CDH10: variants seen among roughly 807,000 people sequenced by gnomAD.
CDH10 encodes the protein cadherin 10, also known as cadherin-10.
In CDH10, 30 loss-of-function variants were observed where a neutral mutation model predicts 73.1. The ratio of observed to expected loss-of-function variants is 0.41; its 90% CI spans 0.31 to 0.56. The LOEUF (loss-of-function observed/expected upper bound fraction) is 0.56, where lower values mean the gene tolerates loss of function less well. Among genes scored for constraint, CDH10 ranks in the 20% least tolerant of loss-of-function variants. The probability of loss-of-function intolerance (pLI) is 0.27; values close to 1 mark genes in which losing one functional copy is unlikely to be tolerated. For missense variants in CDH10, 815 were observed against 973.7 expected (o/e 0.84, Z 2.17); for synonymous variants, 345 against 348.2 (o/e 0.99, Z 0.10).
chr5:24,560,200 TTGTG>T (rs70965615), intron 2 of CDH10, among the ~76,000 whole-genome samples: 5,929 of 147,966 alleles, frequency 0.04, 263 homozygotes, highest in African/African-American at 0.11. Flanking sequence ...ATATTTGCAA[TTGTG>T]TGTGTGTGTG....
At chr5:24,583,424 GCAT>G (rs1018996129) in intron 2 of CDH10, among the ~76,000 whole-genome samples, 18 of 152,058 alleles carry the variant, frequency 1.2e-4, no homozygotes, top group Non-Finnish European at 1.6e-4. Flanking sequence ...TAAAGTGCAT[GCAT>G]CATCAATTCC....
chr5:24,518,655 T>C (rs577159581), intron 5 of CDH10, among the ~76,000 whole-genome samples: 69 of 152,200 alleles, frequency 4.5e-4, no homozygotes, highest in Non-Finnish European at 1.5e-4. Flanking sequence ...TTTCCCTGCC[T>C]CCAAGATCAC....
intron 2 of CDH10, among the ~76,000 whole-genome samples, chr5:24,563,691 A>G (rs1745050828): frequency 6.7e-6 from 1 of 149,682 alleles, no homozygotes; most frequent in Non-Finnish European, 1.5e-5. Context: ...AAAGGCCTGA[A>G]CCTGGGAGGC....
chr5:24,644,473 A>G (rs1748151016), intron 1 of CDH10, 121 bp downstream of exon 1: 1 of 152,094 alleles, frequency 6.6e-6, no homozygotes, highest in African/African-American at 2.4e-5. Flanking sequence ...TTATTTTGAA[A>G]TAATTGCTAA....
chr5:24,518,053 T>C (rs561099576), intron 5 of CDH10, among the ~76,000 whole-genome samples: 1 of 152,320 alleles, frequency 6.6e-6, no homozygotes, highest in Non-Finnish European at 1.5e-5. Context: ...CACTGTGGTA[T>C]CCACAATGGA....
At chr5:24,579,053 A>C (rs1394964668) in intron 2 of CDH10, among the ~76,000 whole-genome samples, 3 of 152,012 alleles carry the variant, frequency 2.0e-5, no homozygotes, top group Non-Finnish European at 2.9e-5. Flanking sequence ...TAAGGTAATC[A>C]CTCAGGTTAA....
chr5:24,501,169 T>A (rs16893451), intron 8 of CDH10, among the ~76,000 whole-genome samples: 37,795 of 152,006 alleles, frequency 0.25, 5,344 homozygotes, highest in African/African-American at 0.38. Context: ...CATAAAAATA[T>A]CCCTTGTTGG....
At chr5:24,570,952 G>A (rs1318091594) in intron 2 of CDH10, among the ~76,000 whole-genome samples, 1 of 151,970 alleles carries the variant, frequency 6.6e-6, no homozygotes, top group African/African-American at 2.4e-5. Flanking sequence ...AAGTCCTACT[G>A]GCTTATTACC....
At chr5:24,603,955 T>A (rs1056870669) in intron 1 of CDH10, among the ~76,000 whole-genome samples, 2 of 152,116 alleles carry the variant, frequency 1.3e-5, no homozygotes, top group African/African-American at 2.4e-5. Context: ...AAGCTACCAA[T>A]CTAATCAATG....
intron 2 of CDH10, among the ~76,000 whole-genome samples, chr5:24,582,293 G>A (rs940776364): frequency 2.6e-5 from 4 of 152,062 alleles, no homozygotes; most frequent in Admixed American, 6.5e-5. Flanking sequence ...AGAAAGATAC[G>A]CTACACAACA....
intron 5 of CDH10, among the ~76,000 whole-genome samples, chr5:24,513,824 G>C (rs6452207): frequency 6.6e-6 from 1 of 151,762 alleles, no homozygotes. Context: ...TATTCTAATG[G>C]CTCCCCTGTT....
intron 2 of CDH10, among the ~76,000 whole-genome samples, chr5:24,584,108 T>C (rs1053232107): frequency 6.6e-6 from 1 of 152,152 alleles, no homozygotes; most frequent in African/African-American, 2.4e-5. Context: ...GAAAGATAAT[T>C]GGAACTACCT....
chr5:24,594,387 C>G (rs116156805), intron 1 of CDH10, among the ~76,000 whole-genome samples: 2,061 of 152,010 alleles, frequency 0.014, 54 homozygotes, highest in African/African-American at 0.047. Flanking sequence ...ATTTTCTCAA[C>G]AAAATTTCCT....
At chr5:24,603,160 T>A (rs1746627466) in intron 1 of CDH10, among the ~76,000 whole-genome samples, 1 of 152,148 alleles carries the variant, frequency 6.6e-6, no homozygotes. Context: ...GATAAGGAAG[T>A]ACAAGTCTCT....
At chr5:24,586,418 C>CATGCTTTAT (rs1377811320) in intron 2 of CDH10, among the ~76,000 whole-genome samples, 8 of 141,186 alleles carry the variant, frequency 5.7e-5, no homozygotes, top group African/African-American at 7.7e-5. Flanking sequence ...TGAAAATTTA[C>CATGCTTTAT]ATGCTTTATT....
intron 1 of CDH10, among the ~76,000 whole-genome samples, chr5:24,634,704 A>T (rs1747812496): frequency 6.6e-6 from 1 of 151,756 alleles, no homozygotes. Flanking sequence ...TAGGTTTAGG[A>T]GTCTCTATTA....
intron 2 of CDH10, among the ~76,000 whole-genome samples, chr5:24,571,073 AC>A (rs1164361307): frequency 6.6e-6 from 1 of 152,118 alleles, no homozygotes. Flanking sequence ...CATATTCTTC[AC>A]AATGGAATTT....
At chr5:24,514,021 A>C (rs1045278014) in intron 5 of CDH10, among the ~76,000 whole-genome samples, 1 of 152,198 alleles carries the variant, frequency 6.6e-6, no homozygotes, top group Admixed American at 6.5e-5. Flanking sequence ...ACAGGCACTT[A>C]GCATTTTTAT....
intron 6 of CDH10, among the ~76,000 whole-genome samples, chr5:24,511,124 C>T (rs182065770): frequency 6.6e-6 from 1 of 152,244 alleles, no homozygotes; most frequent in East Asian, 1.9e-4. Flanking sequence ...TTTCAGGTTT[C>T]CTGTCTCAAT....
Sources: allele counts gnomAD v4.1 joint callset (sites outside exome capture counted in the v4.1 genomes callset), GRCh38; gene constraint gnomAD v4.1.1; transcripts MANE v1.5; gene names NCBI Gene and HGNC (gene_info 2026-07-23, HGNC 2026-07-21).